The following CDC42EP5 variants were observed in gnomAD, a reference collection of about 807,000 sequenced individuals.
The protein encoded by CDC42EP5 is CDC42 effector protein (Rho GTPase binding) 5.
For missense variants in CDC42EP5, 269 were observed against 238.0 expected (o/e 1.13, Z -0.86); for synonymous variants, 118 against 123.3 (o/e 0.96, Z 0.28).
At chr19:54,467,001 C>T (rs926369280) in intron 2 of CDC42EP5, among the ~76,000 whole-genome samples, 2 of 144,536 alleles carry the variant, frequency 1.4e-5, no homozygotes, top group African/African-American at 2.5e-5. Context: ...CCATGTTGGT[C>T]AGGCTGGTCT....
chr19:54,466,298 C>T (rs556978563), intron 2 of CDC42EP5, among the ~76,000 whole-genome samples: 2 of 152,200 alleles, frequency 1.3e-5, no homozygotes, highest in East Asian at 1.9e-4. Context: ...CAAAAATTAG[C>T]GGGGCATGGT....
chr19:54,470,671 A>G (rs1247216203), intron 2 of CDC42EP5, among the ~76,000 whole-genome samples: 1 of 152,088 alleles, frequency 6.6e-6, no homozygotes, highest in Non-Finnish European at 1.5e-5. Context: ...TGAATGAACT[A>G]ATTTATTTAA....
intron 2 of CDC42EP5, among the ~76,000 whole-genome samples, 153 bp from the exon 3 acceptor site, chr19:54,465,700 A>G (rs1216944340): frequency 6.6e-6 from 1 of 152,138 alleles, no homozygotes; most frequent in African/African-American, 2.4e-5. Context: ...CAATGGCGCC[A>G]TCCCGGCTCA....
chr19:54,472,434 T>G (rs1395523137), intron 1 of CDC42EP5, among the ~76,000 whole-genome samples: 9 of 15,882 alleles, frequency 5.7e-4, no homozygotes, highest in South Asian at 4.3e-3. Flanking sequence ...CCAGGCCCCA[T>G]CCCCTCCTCC....
chr19:54,466,713 C>T (rs1179650868), intron 2 of CDC42EP5, among the ~76,000 whole-genome samples: 1 of 152,066 alleles, frequency 6.6e-6, no homozygotes, highest in African/African-American at 2.4e-5. Flanking sequence ...AAAATGAGTA[C>T]AAGTTTCAAA....
In CDC42EP5 at chr19:54,465,128, G is replaced by C. The variant is rs1297604239; in HGVS notation, c.420C>G (p.Leu140=). 31 of 1,388,462 alleles carry C rather than the reference G, an allele frequency of 2.2e-5. No individual in the cohort carries two copies. Among genetic ancestry groups the C allele is most frequent in the East Asian group, 5.9e-5 (2 of 34,128 alleles). 86.0% of individuals were successfully genotyped at this position (1,388,462 alleles called of 1,614,324 possible). A position where few individuals can be genotyped will look rare whatever the true frequency, so the allele number is the denominator to read the frequency against. Residue 140 remains leucine, a synonymous_variant, in exon 3 of 3, where the codon CTC becomes CTG. Transcript: ENST00000301200. ...AGAGGCCGATGACGTCGTTCAGCTC[G>C]AGGTCCGCGTTGGGGCGGCAGCGGG... The part of the protein sequence containing the change: ...PQARCRPNAD[L]ELNDVIGL
At chr19:54,472,765 ACCCCCAGC>A (rs2084863143) in intron 1 of CDC42EP5, among the ~76,000 whole-genome samples, 1 of 43,614 alleles carries the variant, frequency 2.3e-5, no homozygotes, top group African/African-American at 9.1e-5. Flanking sequence ...AGGAGTCCAG[ACCCCCAGC>A]CCCTCTTCCC....
At chr19:54,471,841 C>T (rs2084840738) in intron 1 of CDC42EP5, among the ~76,000 whole-genome samples, 156 bp from the exon 2 acceptor site, 1 of 151,256 alleles carries the variant, frequency 6.6e-6, no homozygotes, top group Non-Finnish European at 1.5e-5. Flanking sequence ...GGGCCCCCAG[C>T]CCCTTCTTCC....
rs569663968 is a variant in CDC42EP5 at position 54,470,840 on chromosome 19, G to A, written c.-1+705C>T. On this transcript the variant is annotated intron_variant, in intron 2 of 2. Transcript: ENST00000301200. ...GGAGACTACGGGCATGCCACCCCAT[G>A]AGAAAAAAAATAATAATGTTCTGAT... 1.1e-3 allele frequency among the ~76,000 whole-genome samples: 165 copies of A among 151,994 alleles called. 1 individual carries two copies. Among genetic ancestry groups the A allele is most frequent in the Non-Finnish European group, 1.7e-3 (118 of 67,936 alleles).
chr19:54,465,504 C>T lies in CDC42EP5; in HGVS notation c.44G>A (p.Arg15Gln), dbSNP rs750254031. 2 of 1,541,126 alleles carry T rather than the reference C, an allele frequency of 1.3e-6. No homozygotes were observed. The highest frequency in any genetic ancestry group is 3.9e-5 in the Admixed American group (2 of 51,866). Residue 15 changes from arginine (R) to glutamine (Q), a missense_variant, in exon 3 of 3, where the codon CGG (arginine) becomes CAG (glutamine). Coordinates refer to ENST00000301200, the MANE Select transcript of CDC42EP5 (RefSeq NM_145057.4). ...KQLGPAQPKK[R>Q]PDRGALSISA... ...GATGGACAGGGCGCCGCGATCAGGC[C>T]GCTTCTTGGGCTGCGCGGGGCCCAG... is the stretch of plus-strand genomic sequence containing the variant.
chr19:54,465,456 C>G lies in CDC42EP5; in HGVS notation c.92G>C (p.Arg31Pro). The change falls in exon 3 of 3, where the codon CGG (arginine) becomes CCG (proline). Residue 31 changes from arginine (R) to proline (P), a missense_variant. Physicochemically the swap from Arg to Pro is moderately radical, Grantham distance 103. Transcript: ENST00000301200. ...GCCGCGCCCCACGTGCAGCGTGTGC[C>G]GGAAGTCGCCGAGCGGCGCGGAGAT... Reference protein sequence around the residue: ...LSISAPLGDFRHTLHVGRGGD... With the variant: ...LSISAPLGDFPHTLHVGRGGD... The G allele has an allele frequency of 5.3e-6, 8 of 1,517,030 alleles. No homozygotes were observed. The highest frequency in any genetic ancestry group is 7.0e-6 in the Non-Finnish European group (8 of 1,144,274). The allele number at this position is 1,517,030 out of a possible 1,614,324, so 94.0% of individuals were successfully genotyped here.
At position 54,470,392 on chromosome 19, in the gene CDC42EP5, GGAGA is replaced by G. The variant is rs1053091945; in HGVS notation, c.-1+1149_-1+1152del. Reference sequence around the variant, plus strand: ...GTCTCAAGAAGAAAAGAAAAGAAAAGGAGAGAGAGAGAGAAAAAGAGAGAGAAGG... The same window carrying G: ...GTCTCAAGAAGAAAAGAAAAGAAAAGGAGAGAGAGAAAAAGAGAGAGAAGG... On this transcript the variant is annotated intron_variant, in intron 2 of 2. Coordinates refer to ENST00000301200, the MANE Select transcript of CDC42EP5 (RefSeq NM_145057.4). 3.7e-3 allele frequency among the ~76,000 whole-genome samples: 543 copies of G among 145,252 alleles called. 6 individuals are homozygous for G. Among genetic ancestry groups the G allele is most frequent in the African/African-American group, 0.013 (505 of 39,158 alleles).
chr19:54,466,208 C>G (rs966480362), intron 2 of CDC42EP5, among the ~76,000 whole-genome samples: 1 of 151,834 alleles, frequency 6.6e-6, no homozygotes, highest in Non-Finnish European at 1.5e-5. Context: ...CTTGGGAGGC[C>G]GAGGCGGGCG....
chr19:54,471,282 G>A (rs949800705), intron 2 of CDC42EP5, among the ~76,000 whole-genome samples: 7 of 152,086 alleles, frequency 4.6e-5, no homozygotes, highest in Non-Finnish European at 5.9e-5. Context: ...AGGGTGGCGG[G>A]CACAGCTGGT....
chr19:54,467,982 C>G (rs959068674), intron 2 of CDC42EP5, among the ~76,000 whole-genome samples: 17 of 152,192 alleles, frequency 1.1e-4, no homozygotes, highest in Admixed American at 1.1e-3. Flanking sequence ...AGTTGAAGCC[C>G]TACCCTTTGC....
At position 54,465,530 on chromosome 19, in the gene CDC42EP5, C is replaced by G. The variant is rs766036937; in HGVS notation, c.18G>C (p.Gln6His). Residue 6 changes from glutamine to histidine, a missense_variant, in exon 3 of 3, where the codon CAG (glutamine) becomes CAC (histidine). By Grantham distance (24) the Gln-to-His change is conservative. Coordinates refer to ENST00000301200, the MANE Select transcript of CDC42EP5 (RefSeq NM_145057.4). MPVLK[Q>H]LGPAQPKKRP... Reference sequence around the variant, plus strand: ...GCTTCTTGGGCTGCGCGGGGCCCAGCTGCTTCAGCACGGGCATCTGCGAGG... The same window carrying G: ...GCTTCTTGGGCTGCGCGGGGCCCAGGTGCTTCAGCACGGGCATCTGCGAGG... The G allele has an allele frequency of 9.8e-6, 15 of 1,536,442 alleles. No homozygotes were observed. The highest frequency in any genetic ancestry group is 2.8e-5 in the African/African-American group (2 of 70,300).
chr19:54,466,722 A>G (rs1304789528), intron 2 of CDC42EP5, among the ~76,000 whole-genome samples: 1 of 152,250 alleles, frequency 6.6e-6, no homozygotes, highest in African/African-American at 2.4e-5. Context: ...ACAAGTTTCA[A>G]ACAATATAAC....
rs374091775 is a variant in CDC42EP5 at position 54,473,137 on chromosome 19, C to G, written c.-215G>C. On this transcript the variant is annotated 5_prime_UTR_variant, in exon 1 of 3. Coordinates refer to ENST00000301200, the MANE Select transcript of CDC42EP5 (RefSeq NM_145057.4). ...GCCCAGGCAGAAGCGGAATCACCGC[C>G]CAGTCCCCAGGCAGAGAGGGTTTTG... The G allele has an allele frequency of 1.2e-3, 185 of 153,360 alleles. 1 individual carries two copies. Among genetic ancestry groups the G allele is most frequent in the South Asian group, 9.3e-3 (46 of 4,948 alleles). The allele number at this position is 153,360 out of a possible 1,614,324, so 9.5% of individuals were successfully genotyped here.
intron 2 of CDC42EP5, among the ~76,000 whole-genome samples, chr19:54,468,329 G>C (rs189825450): frequency 8.1e-4 from 119 of 147,132 alleles, no homozygotes; most frequent in Non-Finnish European, 1.0e-3. Flanking sequence ...TAGATGGCTA[G>C]ATTCTGAAGA....
Sources: gnomAD v4.1 joint callset for allele counts (sites outside exome capture counted in the v4.1 genomes callset) on GRCh38, gnomAD v4.1.1 for gene constraint, MANE v1.5 for transcripts, NCBI Gene and HGNC (gene_info 2026-07-23, HGNC 2026-07-21) for gene names.